Variants in PDE1B observed in about 807,000 individuals in gnomAD.
The protein encoded by PDE1B is phosphodiesterase 1B.
A neutral mutation model predicts 66.7 loss-of-function variants in PDE1B; 13 were observed. That is an observed-to-expected ratio of 0.19 (90% confidence interval 0.13 to 0.31). PDE1B has a LOEUF of 0.31. PDE1B is among the 10% of genes least tolerant of loss of function. PDE1B has a pLI of 1.00. For missense variants in PDE1B, 485 were observed against 682.3 expected (o/e 0.71, Z 3.22); for synonymous variants, 230 against 253.9 (o/e 0.91, Z 0.90).
intron 2 of PDE1B, among the ~76,000 whole-genome samples, chr12:54,559,092 A>G (rs1957374074): frequency 6.6e-6 from 1 of 152,212 alleles, no homozygotes; most frequent in Admixed American, 6.5e-5. Flanking sequence ...GCTAGCCAGA[A>G]AAGTCTCCTG....
chr12:54,555,215 G>A (rs1301363132), intron 2 of PDE1B, among the ~76,000 whole-genome samples: 1 of 152,210 alleles, frequency 6.6e-6, no homozygotes, highest in Non-Finnish European at 1.5e-5. Flanking sequence ...TGGTGAGTGT[G>A]GGAAGCCCAG....
chr12:54,557,926 C>T (rs112931403), intron 2 of PDE1B, among the ~76,000 whole-genome samples: 2,109 of 152,206 alleles, frequency 0.014, 36 homozygotes, highest in African/African-American at 0.048. Context: ...TCACCCACCC[C>T]TCCCAATTCC....
chr12:54,553,295 C>T (rs1000543612), intron 2 of PDE1B, among the ~76,000 whole-genome samples: 2 of 152,302 alleles, frequency 1.3e-5, no homozygotes, highest in Middle Eastern at 3.4e-3. Context: ...AAACACCACT[C>T]TCTTTTCTCT....
At chr12:54,571,255 T>G (rs1230815549) in intron 6 of PDE1B, 1 of 152,248 alleles carries the variant, frequency 6.6e-6, no homozygotes, top group Non-Finnish European at 1.5e-5. Context: ...ACTCCTCCTT[T>G]TACAACAACT....
At position 54,576,104 on chromosome 12, in the gene PDE1B, A is replaced by AG; in HGVS notation, c.1376+7dup. On this transcript the variant is annotated splice_donor_region_variant and intron_variant, in intron 13 of 15. Transcript: ENST00000243052. Reference sequence around the variant, plus strand: ...CCAAGTCTAAAAACCAGCCCAGGTGAGGGTGGCTGGGGTAGCCAGATATCT... The same window carrying AG: ...CCAAGTCTAAAAACCAGCCCAGGTGAGGGGTGGCTGGGGTAGCCAGATATCT... 1 of 1,578,026 alleles carries AG rather than the reference A, an allele frequency of 6.3e-7. No homozygotes were observed. Among genetic ancestry groups the AG allele is most frequent in the Middle Eastern group, 1.7e-4 (1 of 5,978 alleles).
rs1328100717 is a variant in PDE1B at position 54,577,491 on chromosome 12, A to G, written c.*17+146A>G. 3 of 1,595,322 alleles carry G rather than the reference A, an allele frequency of 1.9e-6. No individual in the cohort carries two copies. The Admixed American group carries it at 5.0e-5, about 27-fold the overall frequency. ...GCGAGTGAAGACATAGAATGGAGCC[A>G]AAGTGTGGGTGGAGCAGGGAAATCC... On this transcript the variant is annotated intron_variant, in intron 15 of 15. Coordinates refer to ENST00000243052, the MANE Select transcript of PDE1B (RefSeq NM_000924.4).
intron 2 of PDE1B, among the ~76,000 whole-genome samples, chr12:54,557,257 A>G (rs1043952921): frequency 6.6e-6 from 1 of 152,236 alleles, no homozygotes; most frequent in African/African-American, 2.4e-5. Context: ...CTCTTCTTTG[A>G]AATGCCAAGA....
intron 6 of PDE1B, chr12:54,572,388 A>G: frequency 1.7e-6 from 1 of 604,180 alleles, no homozygotes. Context: ...TTCTGCAATT[A>G]AGTATCTGAG....
rs1334013200 is a variant in PDE1B at position 54,569,319 on chromosome 12, G to A, written c.363G>A (p.Lys121=). 1 of 1,613,866 alleles carries A rather than the reference G, an allele frequency of 6.2e-7. No individual in the cohort carries two copies. The highest frequency in any genetic ancestry group is 2.2e-5 in the East Asian group (1 of 44,876). The part of the protein sequence containing the change: ...AKGRRAEEKP[K]FRSIVHAVQA... ...GCCGCCGAGCAGAGGAGAAGCCCAA[G>A]TTCCGAAGCATTGTGCACGCTGTGC... Residue 121 remains lysine, a synonymous_variant, in exon 4 of 16, where the codon AAG becomes AAA. Transcript: ENST00000243052. The surrounding 1 kb of genome is among the most constrained non-coding windows in gnomAD (Gnocchi z 4.4).
chr12:54,564,339 A>C (rs1957474865), intron 2 of PDE1B, among the ~76,000 whole-genome samples: 1 of 151,976 alleles, frequency 6.6e-6, no homozygotes, highest in Non-Finnish European at 1.5e-5. Context: ...TTAAAAAAAA[A>C]AAAAAAAGCA....
chr12:54,557,700 A>G (rs1957359832), intron 2 of PDE1B, among the ~76,000 whole-genome samples: 1 of 152,156 alleles, frequency 6.6e-6, no homozygotes, highest in Admixed American at 6.5e-5. Context: ...ACTACCTTCA[A>G]CATCTGTTAG....
intron 2 of PDE1B, among the ~76,000 whole-genome samples, chr12:54,562,820 A>C (rs959378354): frequency 1.3e-5 from 2 of 152,052 alleles, no homozygotes; most frequent in Admixed American, 6.5e-5. Context: ...CATTTGTCAA[A>C]TTTATTCTTT....
At chr12:54,557,309 A>G (rs1957354142) in intron 2 of PDE1B, among the ~76,000 whole-genome samples, 1 of 152,230 alleles carries the variant, frequency 6.6e-6, no homozygotes, top group African/African-American at 2.4e-5. Context: ...AATAAATTGA[A>G]GACAGATATG....
chr12:54,564,682 C>A (rs185823257), intron 2 of PDE1B, among the ~76,000 whole-genome samples: 1 of 152,214 alleles, frequency 6.6e-6, no homozygotes, highest in East Asian at 1.9e-4. Context: ...TCCAGCAGAT[C>A]CCTGGACAGA....
rs1324637097 is a variant in PDE1B, at chr12:54,570,312, T to A, written c.549T>A (p.Ile183=). 1 of 1,613,734 alleles carries A rather than the reference T, an allele frequency of 6.2e-7. No individual in the cohort carries two copies. Among genetic ancestry groups the A allele is most frequent in the East Asian group, 2.2e-5 (1 of 44,870 alleles). Residue 183 remains isoleucine (I), a synonymous_variant, in exon 6 of 16, where the codon ATT becomes ATA. Transcript: ENST00000243052. ...CAGATGACCATGCCCTGAGGACCAT[T>A]GTTTTTGAGTTGCTGACTCGGCATA... ...QAADDHALRT[I]VFELLTRHNL...
At position 54,576,750 on chromosome 12, in the gene PDE1B, A is replaced by G. The variant is rs1957759689; in HGVS notation, c.1507+49A>G. ...GGGTGAGAACTTGTGTGGGTGGATC[A>G]TGGAGCACTAGGAGGTCCATTTTTC... On this transcript the variant is annotated intron_variant, in intron 14 of 15. Transcript: ENST00000243052. The G allele has an allele frequency of 8.4e-6, 13 of 1,555,470 alleles. No individual in the cohort carries two copies. In the East Asian group the frequency reaches 3.1e-4, roughly 37 times the overall value.
At chr12:54,553,193 A>G (rs1957301724) in intron 2 of PDE1B, among the ~76,000 whole-genome samples, 1 of 152,138 alleles carries the variant, frequency 6.6e-6, no homozygotes, top group Non-Finnish European at 1.5e-5. Flanking sequence ...ATGAAATTCT[A>G]CCACTCTGGG....
rs115661730 is a variant in PDE1B, at chr12:54,573,785, A to T, written c.1064+76A>T. On this transcript the variant is annotated intron_variant, in intron 10 of 15. Transcript: ENST00000243052. This position sits in a 1 kb window ranked among gnomAD's most constrained non-coding sequence, Gnocchi z 5.2. ...GAACTGGGGGGGTATACACAAGGGT[A>T]GTTGGTGTGCCAGGTCTTTACCTCG... 8.6e-4 allele frequency: 907 copies of T among 1,056,388 alleles called. 3 individuals are homozygous for T. The African/African-American group carries it at 0.012, about 14-fold the overall frequency. The allele number at this position is 1,056,388 out of a possible 1,614,324, so 65.4% of individuals were successfully genotyped here.
Position 54,575,304 on chromosome 12 carries a change from C to T in PDE1B, c.1185+86C>T. 8.3e-7 allele frequency: 1 copy of T among 1,203,886 alleles called. No homozygotes were observed. Among genetic ancestry groups the T allele is most frequent in the South Asian group, 1.3e-5 (1 of 77,128 alleles). The allele number at this position is 1,203,886 out of a possible 1,614,324, so 74.6% of individuals were successfully genotyped here. A position where few individuals can be genotyped will look rare whatever the true frequency, so the allele number is the denominator to read the frequency against. On this transcript the variant is annotated intron_variant, in intron 11 of 15. Coordinates refer to ENST00000243052, the MANE Select transcript of PDE1B (RefSeq NM_000924.4). This position sits in a 1 kb window ranked among gnomAD's most constrained non-coding sequence, Gnocchi z 4.0. ...CAAGTTCCCCAATCCTGTTCCACAT[C>T]CTCCTTTTGCTACCTGTAGTCTCTG...
Sources: gnomAD v4.1 joint callset for allele counts (sites outside exome capture counted in the v4.1 genomes callset) on GRCh38, gnomAD v4.1.1 for gene constraint, Gnocchi (gnomAD v3.1) non-coding constraint, MANE v1.5 for transcripts, NCBI Gene and HGNC (gene_info 2026-07-23, HGNC 2026-07-21) for gene names.